VRK2: variants seen among roughly 807,000 people sequenced by gnomAD.
The protein encoded by VRK2 is serine/threonine-protein kinase VRK2.
Under a neutral mutation model 57.6 loss-of-function variants are expected in VRK2, and 60 were observed. The ratio of observed to expected loss-of-function variants is 1.04; its 90% CI spans 0.85 to 1.29. VRK2 has a LOEUF of 1.29. Ranked by LOEUF, VRK2 falls within the 50% of genes most tolerant of loss-of-function variation. The pLI is 0.00. For missense variants in VRK2, 705 were observed against 588.1 expected (o/e 1.20, Z -2.06); for synonymous variants, 231 against 199.2 (o/e 1.16, Z -1.35).
intron 8 of VRK2, among the ~76,000 whole-genome samples, chr2:58,128,362 C>T (rs1355900421): frequency 2.0e-5 from 3 of 152,030 alleles, no homozygotes; most frequent in African/African-American, 4.8e-5. Context: ...GATGGAGTCT[C>T]GCTCTGTTGT....
chr2:58,073,658 A>G (rs1463719181), intron 2 of VRK2, among the ~76,000 whole-genome samples: 1 of 143,852 alleles, frequency 7.0e-6, no homozygotes, highest in Non-Finnish European at 1.5e-5. Flanking sequence ...ATATATTTAT[A>G]TTTATATTTA....
rs546916217 is a variant in VRK2 at position 57,981,750 on chromosome 2, G to C, written c.-438-43915G>C. The stretch of plus-strand genomic sequence containing the variant: ...TATTCAATTTCCAGAAGTTTAATTT[G>C]GTTCTTTTTCAAAATGGCTATGTAA... On this transcript the variant is annotated intron_variant, in intron 1 of 15. Transcript: ENST00000417641. Among the ~76,000 whole-genome samples the C allele has an allele frequency of 2.0e-5, 3 of 152,178 alleles. No homozygotes were observed. The East Asian group carries it at 5.8e-4, about 29-fold the overall frequency.
At chr2:57,929,687 A>C (rs1670656648) in intron 1 of VRK2, among the ~76,000 whole-genome samples, 1 of 152,088 alleles carries the variant, frequency 6.6e-6, no homozygotes, top group African/African-American at 2.4e-5. Flanking sequence ...AAGCTAGTAC[A>C]TCTCTGAGTC....
chr2:58,045,170 T>C (rs1378016101), upstream of VRK2, among the ~76,000 whole-genome samples: 1 of 152,186 alleles, frequency 6.6e-6, no homozygotes, highest in East Asian at 1.9e-4. Flanking sequence ...GTGAACAGAC[T>C]AAAGGGATAA....
At chr2:57,970,695 T>C (rs1672070036) in intron 1 of VRK2, among the ~76,000 whole-genome samples, 1 of 151,858 alleles carries the variant, frequency 6.6e-6, no homozygotes, top group South Asian at 2.1e-4. Flanking sequence ...TTGTCTTACA[T>C]AATAATATCA....
intron 1 of VRK2, among the ~76,000 whole-genome samples, chr2:57,980,338 T>C (rs936237130): frequency 2.6e-5 from 4 of 152,174 alleles, no homozygotes; most frequent in Non-Finnish European, 4.4e-5. Flanking sequence ...TGTAATTGTA[T>C]GGTTTTTGAG....
chr2:58,144,851 TAG>T (rs932401226), intron 11 of VRK2, among the ~76,000 whole-genome samples: 6 of 151,952 alleles, frequency 3.9e-5, no homozygotes, highest in African/African-American at 1.4e-4. Flanking sequence ...GAGGGTAGAA[TAG>T]AGTGGTGTTG....
chr2:57,960,056 G>A (rs533564905), intron 1 of VRK2, among the ~76,000 whole-genome samples: 65 of 149,942 alleles, frequency 4.3e-4, no homozygotes, highest in Non-Finnish European at 7.6e-4. Flanking sequence ...TGTGTGTTGT[G>A]GGGCGGGGGG....
chr2:58,056,405 G>A (rs950134520), intron 2 of VRK2, among the ~76,000 whole-genome samples: 1 of 152,156 alleles, frequency 6.6e-6, no homozygotes, highest in Non-Finnish European at 1.5e-5. Flanking sequence ...AGGAGAGTGT[G>A]CCATACAGTC....
chr2:57,912,957 C>A (rs1670035582), intron 1 of VRK2, among the ~76,000 whole-genome samples: 1 of 152,124 alleles, frequency 6.6e-6, no homozygotes, highest in African/African-American at 2.4e-5. Flanking sequence ...CTCACTCTTT[C>A]CACCATGTGA....
intron 7 of VRK2, among the ~76,000 whole-genome samples, chr2:58,102,919 A>G (rs1391377220): frequency 4.0e-5 from 6 of 151,766 alleles, no homozygotes; most frequent in Non-Finnish European, 7.4e-5. Context: ...ACTAGAAATT[A>G]ATACCATGAG....
chr2:57,948,974 AT>A (rs1434603584), intron 1 of VRK2, among the ~76,000 whole-genome samples: 1 of 151,716 alleles, frequency 6.6e-6, no homozygotes, highest in African/African-American at 2.4e-5. Context: ...CTGTGAATTT[AT>A]ATAGAAGGAA....
intron 1 of VRK2, among the ~76,000 whole-genome samples, chr2:58,017,617 G>A (rs564630828): frequency 2.0e-5 from 3 of 152,290 alleles, no homozygotes; most frequent in South Asian, 2.1e-4. Flanking sequence ...CTTAGGGAAA[G>A]AGCGTTAAAT....
chr2:58,112,098 C>G (rs999053286), intron 7 of VRK2, among the ~76,000 whole-genome samples: 1 of 151,996 alleles, frequency 6.6e-6, no homozygotes, highest in East Asian at 1.9e-4. Flanking sequence ...TTGACAGAAC[C>G]CTTAATTCTA....
At chr2:58,121,759 A>G (rs1677545784) in intron 7 of VRK2, among the ~76,000 whole-genome samples, 1 of 152,212 alleles carries the variant, frequency 6.6e-6, no homozygotes, top group African/African-American at 2.4e-5. Flanking sequence ...GCATTATGAA[A>G]TACTGCCTAA....
rs146976125 is a variant in VRK2 at position 58,137,318 on chromosome 2, G to A, written c.856+2119G>A. Among the ~76,000 whole-genome samples the A allele has an allele frequency of 7.8e-3, 1,104 of 142,178 alleles. 7 individuals are homozygous for A. The highest frequency in any genetic ancestry group is 0.025 in the Middle Eastern group (7 of 280). 93.3% of individuals were successfully genotyped at this position (142,178 alleles called of 152,430 possible). A position where few individuals can be genotyped will look rare whatever the true frequency, so the allele number is the denominator to read the frequency against. On this transcript the variant is annotated intron_variant, in intron 10 of 12. Transcript: ENST00000340157. ...TTTCTTGTCAATCCTGCAGAAAAAGGAACTGTTCAGTTTAGGGTAAGAAAG... is the reference window on the plus strand; with the variant it reads ...TTTCTTGTCAATCCTGCAGAAAAAGAAACTGTTCAGTTTAGGGTAAGAAAG...
At chr2:57,949,825 T>C (rs973948733) in intron 1 of VRK2, among the ~76,000 whole-genome samples, 4 of 152,200 alleles carry the variant, frequency 2.6e-5, no homozygotes, top group African/African-American at 9.7e-5. Context: ...GGAAAAGTTC[T>C]TGAAATAAAT....
At chr2:58,136,958 T>C (rs1204968736) in intron 10 of VRK2, among the ~76,000 whole-genome samples, 2 of 133,826 alleles carry the variant, frequency 1.5e-5, no homozygotes, top group African/African-American at 5.9e-5. Flanking sequence ...CATATATGTG[T>C]ATATATATCA....
chr2:57,975,286 T>C (rs1414317329), intron 1 of VRK2, among the ~76,000 whole-genome samples: 4 of 151,992 alleles, frequency 2.6e-5, no homozygotes, highest in African/African-American at 9.6e-5. Flanking sequence ...TCCAAACACA[T>C]AAAAATGCTA....
Sources: gnomAD v4.1 joint callset for allele counts (sites outside exome capture counted in the v4.1 genomes callset) on GRCh38, gnomAD v4.1.1 for gene constraint, MANE v1.5 for transcripts, NCBI Gene and HGNC (gene_info 2026-07-23, HGNC 2026-07-21) for gene names.